Variants in MTREX observed in about 807,000 individuals in gnomAD.
MTREX encodes exosome RNA helicase MTR4.
Under a neutral mutation model 135.4 loss-of-function variants are expected in MTREX, and 76 were observed. That is an observed-to-expected ratio of 0.56 (90% CI 0.47 to 0.68). The LOEUF is 0.68. Among genes scored for constraint, MTREX ranks in the 30% least tolerant of loss-of-function variants. MTREX has a pLI of 0.00. For missense variants in MTREX, 920 were observed against 1,262.1 expected (o/e 0.73, Z 4.11); for synonymous variants, 404 against 401.6 (o/e 1.01, Z -0.07).
Position 55,339,087 on chromosome 5 carries a change from C to T in MTREX, c.516-923C>T, listed in dbSNP as rs535199989. The stretch of plus-strand genomic sequence containing the variant: ...GATTATAGGTGTGAGCCACTGCGCC[C>T]GGCCTAATCTGTAGACTTTCCATTT... On this transcript the variant is annotated intron_variant, in intron 5 of 26. Transcript: ENST00000230640. Among the ~76,000 whole-genome samples, 16 of 152,090 alleles carry T rather than the reference C, an allele frequency of 1.1e-4. No individual in the cohort carries two copies. In the East Asian group the frequency reaches 1.5e-3, roughly 15 times the overall value.
intron 10 of MTREX, among the ~76,000 whole-genome samples, 158 bp from the exon 11 acceptor site, chr5:55,346,855 A>G (rs1469249878): frequency 6.6e-6 from 1 of 152,056 alleles, no homozygotes; most frequent in Non-Finnish European, 1.5e-5. Flanking sequence ...TATGTTGTTT[A>G]TGCTTTTGTT....
At chr5:55,417,853 CAAT>C (rs977530030) in intron 25 of MTREX, among the ~76,000 whole-genome samples, 1 of 152,128 alleles carries the variant, frequency 6.6e-6, no homozygotes, top group African/African-American at 2.4e-5. Context: ...AGTCAGAACA[CAAT>C]GACATAAAAC....
chr5:55,363,866 T>C (rs1750053821), intron 15 of MTREX, among the ~76,000 whole-genome samples: 1 of 152,194 alleles, frequency 6.6e-6, no homozygotes, highest in South Asian at 2.1e-4. Context: ...ATTTATTTAG[T>C]ACAGTGAGTG....
intron 13 of MTREX, among the ~76,000 whole-genome samples, chr5:55,351,480 G>A (rs993388259): frequency 6.6e-5 from 10 of 152,166 alleles, no homozygotes; most frequent in East Asian, 3.9e-4. Flanking sequence ...TGCAGTGAGC[G>A]GAGATCACAC....
chr5:55,365,454 A>T (rs1195470167), intron 15 of MTREX, among the ~76,000 whole-genome samples: 1 of 152,162 alleles, frequency 6.6e-6, no homozygotes, highest in East Asian at 1.9e-4. Flanking sequence ...CTTTTTCTGC[A>T]TAAAATCCTG....
chr5:55,318,603 CTG>C (rs1471196089), intron 1 of MTREX, among the ~76,000 whole-genome samples: 1 of 152,066 alleles, frequency 6.6e-6, no homozygotes, highest in African/African-American at 2.4e-5. Flanking sequence ...ACAACAGACA[CTG>C]GGGTCTACTT....
intron 7 of MTREX, among the ~76,000 whole-genome samples, chr5:55,342,653 A>C (rs1749670626): frequency 6.6e-6 from 1 of 152,208 alleles, no homozygotes; most frequent in Non-Finnish European, 1.5e-5. Context: ...AATAAGATTT[A>C]GTTTTTATTT....
intron 18 of MTREX, 126 bp from the exon 19 acceptor site, chr5:55,387,848 T>C (rs1750503168): frequency 9.9e-6 from 7 of 704,972 alleles, no homozygotes; most frequent in Non-Finnish European, 1.0e-5. Flanking sequence ...AAAATAAGTA[T>C]GTATTACACA....
chr5:55,379,235 T>C, intron 18 of MTREX, 40 bp downstream of exon 18: 1 of 1,203,620 alleles, frequency 8.3e-7, no homozygotes, highest in Non-Finnish European at 1.2e-6. Context: ...ATATCAATTT[T>C]TAGTGAAATG....
chr5:55,389,644 G>T (rs1055548693), intron 19 of MTREX, among the ~76,000 whole-genome samples: 1 of 152,120 alleles, frequency 6.6e-6, no homozygotes, highest in Non-Finnish European at 1.5e-5. Context: ...TAACAAACTT[G>T]TAGGAACATG....
At chr5:55,324,279 A>C in intron 3 of MTREX, 81 bp downstream of exon 3, 5 of 962,940 alleles carry the variant, frequency 5.2e-6, no homozygotes, top group Non-Finnish European at 4.8e-6. Context: ...ATCAGCAAAC[A>C]GTTTAGCCAT....
chr5:55,403,277 C>T (rs1436500301), intron 21 of MTREX, among the ~76,000 whole-genome samples: 1 of 152,036 alleles, frequency 6.6e-6, no homozygotes, highest in Non-Finnish European at 1.5e-5. Context: ...TTTTGATCCA[C>T]AGTTGGTTCA....
intron 16 of MTREX, among the ~76,000 whole-genome samples, chr5:55,373,971 A>T (rs2112094004): frequency 6.6e-6 from 1 of 152,228 alleles, no homozygotes; most frequent in South Asian, 2.1e-4. Context: ...AACATAAAAA[A>T]TACAAAAAAT....
chr5:55,421,293 T>TG (rs1228292624), intron 25 of MTREX, among the ~76,000 whole-genome samples: 2 of 152,220 alleles, frequency 1.3e-5, no homozygotes, highest in Admixed American at 6.5e-5. Context: ...CATTAATCCC[T>TG]GGGGGGAGTA....
Position 55,425,091 on chromosome 5 carries a change from G to C in MTREX, c.*319G>C. 1 of 1,338,588 alleles carries C rather than the reference G, an allele frequency of 7.5e-7. No homozygotes were observed. The highest frequency in any genetic ancestry group is 1.0e-6 in the Non-Finnish European group (1 of 979,648). The allele number at this position is 1,338,588 out of a possible 1,614,324, so 82.9% of individuals were successfully genotyped here. Reference sequence around the variant, plus strand: ...AAGTGTGCATCCAAGAGGCATAGCAGCAGCAGAAGTCTTTAAAGGCTTGTA... The same window carrying C: ...AAGTGTGCATCCAAGAGGCATAGCACCAGCAGAAGTCTTTAAAGGCTTGTA... On this transcript the variant is annotated 3_prime_UTR_variant, in exon 27 of 27. Transcript: ENST00000230640.
At chr5:55,350,682 C>G (rs938826049) in intron 12 of MTREX, among the ~76,000 whole-genome samples, 2 of 152,124 alleles carry the variant, frequency 1.3e-5, no homozygotes, top group African/African-American at 4.8e-5. Context: ...AAATTTAAGA[C>G]AGCAAAGCAT....
intron 19 of MTREX, among the ~76,000 whole-genome samples, chr5:55,395,985 A>G (rs1750639833): frequency 1.3e-5 from 2 of 152,250 alleles, no homozygotes; most frequent in Admixed American, 1.3e-4. Context: ...TATGGACTAC[A>G]GATTAGATGA....
At chr5:55,391,932 A>G (rs1750573657) in intron 19 of MTREX, among the ~76,000 whole-genome samples, 1 of 152,072 alleles carries the variant, frequency 6.6e-6, no homozygotes, top group South Asian at 2.1e-4. Flanking sequence ...TAACTACCTA[A>G]TCCTCCTTGC....
At chr5:55,319,097 G>T (rs1021148411) in intron 1 of MTREX, among the ~76,000 whole-genome samples, 4 of 152,008 alleles carry the variant, frequency 2.6e-5, no homozygotes, top group African/African-American at 9.7e-5. Flanking sequence ...TTTCTGAACT[G>T]TTTAGAGTAA....
Sources: gnomAD v4.1 joint callset for allele counts (sites outside exome capture counted in the v4.1 genomes callset) on GRCh38, gnomAD v4.1.1 for gene constraint, MANE v1.5 for transcripts, NCBI Gene and HGNC (gene_info 2026-07-23, HGNC 2026-07-21) for gene names.